The following CGREF1 variants were observed in gnomAD, a reference collection of about 807,000 sequenced individuals.
The protein encoded by CGREF1 is cell growth regulator with EF hand domain protein 1.
Under a neutral mutation model 17.4 loss-of-function variants are expected in CGREF1, and 16 were observed. The observed-to-expected ratio is 0.92, with a 90% CI of 0.62 to 1.40. The LOEUF is 1.40. Ranked by LOEUF, CGREF1 falls within the 40% of genes most tolerant of loss-of-function variation. CGREF1 has a pLI of 0.00. For synonymous variants in CGREF1, 142 were observed against 154.6 expected (o/e 0.92, Z 0.61); for missense variants, 296 against 376.4 (o/e 0.79, Z 1.77).
At chr2:27,109,350 C>A (rs377365534) in intron 1 of CGREF1, among the ~76,000 whole-genome samples, 7 of 137,540 alleles carry the variant, frequency 5.1e-5, no homozygotes, top group East Asian at 4.3e-4. Flanking sequence ...CTAGCCTGGG[C>A]AACAGAGCAA....
rs370614374 is a variant in CGREF1 at position 27,104,283 on chromosome 2, T to C, written c.80+4A>G. On this transcript the variant is annotated splice_donor_region_variant and intron_variant, in intron 2 of 5. Transcript: ENST00000402394. ...CCTTGGCCCTGCCCTCATAACCCTG[T>C]TACCTTGTGACTCCATCCTTTGGGG... 3 of 1,553,214 alleles carry C rather than the reference T, an allele frequency of 1.9e-6. No individual in the cohort carries two copies. The Admixed American group carries it at 5.7e-5, about 29-fold the overall frequency.
chr2:27,104,597 A>C, intron 1 of CGREF1: 1 of 1,550,626 alleles, frequency 6.4e-7, no homozygotes, highest in South Asian at 1.2e-5. Flanking sequence ...AAGCACATAA[A>C]GGCAGGCCTG....
intron 1 of CGREF1, among the ~76,000 whole-genome samples, chr2:27,108,430 G>T (rs1298181613): frequency 6.6e-6 from 1 of 152,150 alleles, no homozygotes; most frequent in Non-Finnish European, 1.5e-5. Context: ...TGGCAAGGTG[G>T]ATGGAGAAGA....
chr2:27,102,604 G>T lies in CGREF1; in HGVS notation c.81-13C>A. 6.2e-7 allele frequency: 1 copy of T among 1,608,776 alleles called. No individual in the cohort carries two copies. The stretch of plus-strand genomic sequence containing the variant: ...TTCAGAGTCTGGCCTGGAGGAGGAA[G>T]GGGAGGACCAGCCTTGCAGAGAGCC... On this transcript the variant is annotated splice_polypyrimidine_tract_variant and intron_variant, in intron 2 of 5. Transcript: ENST00000402394.
chr2:27,117,875 C>T (rs1239604257), intron 1 of CGREF1, among the ~76,000 whole-genome samples: 1 of 152,134 alleles, frequency 6.6e-6, no homozygotes, highest in East Asian at 1.9e-4. Context: ...GCCACCACGC[C>T]TGGCTAAATT....
intron 1 of CGREF1, among the ~76,000 whole-genome samples, chr2:27,113,977 T>C (rs189696580): frequency 1.9e-4 from 29 of 148,890 alleles, no homozygotes; most frequent in Non-Finnish European, 3.1e-4. Context: ...TGTTCTTACA[T>C]ACTAGCAGGT....
intron 4 of CGREF1, 31 bp from the exon 5 acceptor site, chr2:27,102,252 G>A (rs368705261): frequency 4.3e-6 from 7 of 1,611,196 alleles, no homozygotes; most frequent in Non-Finnish European, 4.2e-6. Context: ...ATTAGAAGAG[G>A]TGCCGGGGGA....
chr2:27,116,871 T>TTCTCTCTCTCTCTCTCTCTCTCTCTCTC (rs537582075), intron 1 of CGREF1, among the ~76,000 whole-genome samples: 55 of 33,664 alleles, frequency 1.6e-3, no homozygotes, highest in Non-Finnish European at 2.1e-3. Context: ...GCCAGGCCTA[T>TTCTCTCTCTCTCTCTCTCTCTCTCTCTC]TCTCTCTCTC....
downstream of CGREF1, chr2:27,099,484 C>T (rs567971261): frequency 1.2e-6 from 2 of 1,614,160 alleles, no homozygotes; most frequent in South Asian, 1.1e-5. Context: ...TGGCAAATTG[C>T]TCCACTCGGA....
intron 1 of CGREF1, among the ~76,000 whole-genome samples, chr2:27,115,869 T>G (rs947520151): frequency 6.6e-6 from 1 of 152,206 alleles, no homozygotes; most frequent in Non-Finnish European, 1.5e-5. Flanking sequence ...ATCTGGAATG[T>G]CCTGGGCCCT....
chr2:27,102,027 G>C, intron 5 of CGREF1, 70 bp downstream of exon 5: 4 of 1,560,672 alleles, frequency 2.6e-6, no homozygotes, highest in Middle Eastern at 1.7e-4. Flanking sequence ...AAAGAGTTAT[G>C]ATGAGAAAGA....
At chr2:27,115,129 G>A (rs1166782877) in intron 1 of CGREF1, among the ~76,000 whole-genome samples, 1 of 152,168 alleles carries the variant, frequency 6.6e-6, no homozygotes, top group Non-Finnish European at 1.5e-5. Flanking sequence ...TCATGGGTGT[G>A]CGTCCTGTGA....
At chr2:27,100,179 A>G, downstream of CGREF1, 1 of 464,174 alleles carries the variant, frequency 2.2e-6, no homozygotes, top group East Asian at 4.4e-5. Context: ...ACACCCAGTG[A>G]ACCTGCCAAA....
At chr2:27,106,579 G>A (rs536719951) in intron 1 of CGREF1, among the ~76,000 whole-genome samples, 6 of 152,268 alleles carry the variant, frequency 3.9e-5, no homozygotes, top group African/African-American at 1.4e-4. Flanking sequence ...CTCTCCCTGA[G>A]ACTCTATAAC....
intron 1 of CGREF1, among the ~76,000 whole-genome samples, chr2:27,114,832 C>A (rs546034341): frequency 1.3e-5 from 2 of 152,340 alleles, no homozygotes; most frequent in African/African-American, 4.8e-5. Flanking sequence ...CCAGCCAACA[C>A]TGAATGCAGT....
In CGREF1 at chr2:27,100,699, G is replaced by A. The variant is rs192265975; in HGVS notation, c.*575C>T. The A allele has an allele frequency of 5.5e-6, 6 of 1,090,676 alleles. No individual in the cohort carries two copies. The Admixed American group carries it at 1.7e-4, about 32-fold the overall frequency. 67.6% of individuals were successfully genotyped at this position (1,090,676 alleles called of 1,614,324 possible). The stretch of plus-strand genomic sequence containing the variant: ...CTGTCAAATGGAACCAATTCTGCTT[G>A]GCTACAGAATTATTGTGAGGATAAA... On this transcript the variant is annotated 3_prime_UTR_variant, in exon 6 of 6. Coordinates refer to ENST00000402394, the MANE Select transcript of CGREF1 (RefSeq NM_006569.6).
At chr2:27,103,363 TG>T (rs1240825288) in intron 2 of CGREF1, among the ~76,000 whole-genome samples, 5 of 131,134 alleles carry the variant, frequency 3.8e-5, no homozygotes. Context: ...ACTTCTTTGG[TG>T]TTGCCACCAT....
At chr2:27,104,624 G>C (rs1671047174) in intron 1 of CGREF1, 2 of 1,550,608 alleles carry the variant, frequency 1.3e-6, no homozygotes, top group Non-Finnish European at 1.7e-6. Context: ...CGGAAGCAGA[G>C]CTGGGGGCGC....
chr2:27,116,871 T>TTCTCTCTCTCCC (rs1671587036), intron 1 of CGREF1, among the ~76,000 whole-genome samples: 1 of 33,680 alleles, frequency 3.0e-5, no homozygotes, highest in South Asian at 1.5e-3. Flanking sequence ...GCCAGGCCTA[T>TTCTCTCTCTCCC]TCTCTCTCTC....
Sources: gnomAD v4.1 joint callset for allele counts (sites outside exome capture counted in the v4.1 genomes callset) on GRCh38, gnomAD v4.1.1 for gene constraint, MANE v1.5 for transcripts, NCBI Gene and HGNC (gene_info 2026-07-23, HGNC 2026-07-21) for gene names.